The following FOXN2 variants were observed in gnomAD, a reference collection of about 807,000 sequenced individuals.
FOXN2 encodes the protein forkhead box N2, also known as forkhead box protein N2.
A neutral mutation model predicts 41.2 loss-of-function variants in FOXN2; 19 were observed. That is an observed-to-expected ratio of 0.46 (90% CI 0.32 to 0.68). FOXN2 has a LOEUF of 0.68. FOXN2 is among the 30% of genes least tolerant of loss of function. The pLI is 0.03. For synonymous variants in FOXN2, 195 were observed against 176.8 expected (o/e 1.10, Z -0.82); for missense variants, 587 against 509.4 (o/e 1.15, Z -1.47).
rs1345134368 is a variant in FOXN2 at position 48,346,052 on chromosome 2, C to G, written c.-14-149C>G. The G allele has an allele frequency of 4.6e-6, 3 of 647,286 alleles. No homozygotes were observed. The South Asian group carries it at 6.3e-5, about 13-fold the overall frequency. 40.1% of individuals were successfully genotyped at this position (647,286 alleles called of 1,614,324 possible). Reference sequence around the variant, plus strand: ...TTCCTTGTATTATAACCATTAGTATCTTCATTATACAAATGTTGTGCTTAA... The same window carrying G: ...TTCCTTGTATTATAACCATTAGTATGTTCATTATACAAATGTTGTGCTTAA... On this transcript the variant is annotated intron_variant, in intron 2 of 6. Transcript: ENST00000340553.
At chr2:48,326,121 A>G (rs1298715285) in intron 1 of FOXN2, among the ~76,000 whole-genome samples, 5 of 152,126 alleles carry the variant, frequency 3.3e-5, no homozygotes, top group African/African-American at 9.7e-5. Flanking sequence ...GATTGCTGGG[A>G]TTACAGACAT....
intron 6 of FOXN2, among the ~76,000 whole-genome samples, chr2:48,374,524 C>T (rs1673106248): frequency 6.6e-6 from 1 of 152,046 alleles, no homozygotes; most frequent in Non-Finnish European, 1.5e-5. Flanking sequence ...TTTTTCATAT[C>T]TCTTTTTAAA....
intron 3 of FOXN2, among the ~76,000 whole-genome samples, chr2:48,346,976 G>C (rs1156496170): frequency 6.6e-6 from 1 of 152,100 alleles, no homozygotes; most frequent in Non-Finnish European, 1.5e-5. Context: ...ACCTAGATTA[G>C]TCTTTTTATT....
chr2:48,318,150 C>A (rs1354329432), intron 1 of FOXN2, among the ~76,000 whole-genome samples: 1 of 152,170 alleles, frequency 6.6e-6, no homozygotes, highest in Admixed American at 6.5e-5. Context: ...CCCAGTTTCT[C>A]CTGTTCAATT....
chr2:48,341,478 C>G (rs1462149948), intron 2 of FOXN2, among the ~76,000 whole-genome samples: 1 of 151,996 alleles, frequency 6.6e-6, no homozygotes, highest in Non-Finnish European at 1.5e-5. Context: ...AAAAATAAAT[C>G]TTAATGAGAA....
chr2:48,337,554 C>T (rs1422713793), intron 2 of FOXN2, among the ~76,000 whole-genome samples: 2 of 152,064 alleles, frequency 1.3e-5, no homozygotes, highest in East Asian at 3.9e-4. Flanking sequence ...GACCCGCCCA[C>T]CTCTGCCTCC....
At chr2:48,373,449 A>C in intron 6 of FOXN2, 89 bp downstream of exon 6, 1 of 741,526 alleles carries the variant, frequency 1.3e-6, no homozygotes, top group South Asian at 1.6e-5. Flanking sequence ...GACAAAAATT[A>C]CTTCTTTCCA....
intron 2 of FOXN2, among the ~76,000 whole-genome samples, chr2:48,344,809 C>G (rs1670990411): frequency 6.7e-6 from 1 of 148,668 alleles, no homozygotes; most frequent in East Asian, 2.0e-4. Flanking sequence ...AACCTGCCAT[C>G]TATGTCTTAA....
chr2:48,342,411 C>A (rs1670836462), intron 2 of FOXN2, among the ~76,000 whole-genome samples: 2 of 152,184 alleles, frequency 1.3e-5, no homozygotes, highest in African/African-American at 4.8e-5. Flanking sequence ...ATATCTTTTT[C>A]CCTACATAAG....
intron 3 of FOXN2, among the ~76,000 whole-genome samples, chr2:48,357,323 G>A (rs894264057): frequency 6.6e-6 from 1 of 152,146 alleles, no homozygotes; most frequent in African/African-American, 2.4e-5. Context: ...TTGAAAAGTA[G>A]ACTTGAACTA....
intron 5 of FOXN2, among the ~76,000 whole-genome samples, chr2:48,365,509 G>C (rs756568141): frequency 6.6e-6 from 1 of 152,134 alleles, no homozygotes; most frequent in Non-Finnish European, 1.5e-5. Context: ...TCTTGCTCTT[G>C]TTCTGTTCTA....
At chr2:48,369,240 T>A (rs762126357) in intron 5 of FOXN2, among the ~76,000 whole-genome samples, 58 of 152,290 alleles carry the variant, frequency 3.8e-4, no homozygotes, top group Non-Finnish European at 7.2e-4. Flanking sequence ...GGATGTTTGT[T>A]AAAAGAAGTG....
intron 1 of FOXN2, among the ~76,000 whole-genome samples, chr2:48,315,923 T>A (rs536215046): frequency 5.8e-4 from 88 of 152,328 alleles, no homozygotes; most frequent in African/African-American, 1.9e-3. Flanking sequence ...CCACAGACTT[T>A]CTTTCTCCTA....
intron 1 of FOXN2, among the ~76,000 whole-genome samples, chr2:48,321,748 A>T (rs965634759): frequency 1.3e-5 from 2 of 152,138 alleles, no homozygotes; most frequent in Admixed American, 6.5e-5. Context: ...AATCTAAAAA[A>T]ATTTTAGTAC....
chr2:48,377,199 A>AT lies in FOXN2; in HGVS notation c.*1757dup, dbSNP rs1673309648. The AT allele has an allele frequency of 6.6e-6, 1 of 151,876 alleles. No homozygotes were observed. Among genetic ancestry groups the AT allele is most frequent in the Admixed American group, 6.6e-5 (1 of 15,250 alleles). The allele number at this position is 151,876 out of a possible 1,614,324, so 9.4% of individuals were successfully genotyped here. A position where few individuals can be genotyped will look rare whatever the true frequency, so the allele number is the denominator to read the frequency against. On this transcript the variant is annotated 3_prime_UTR_variant, in exon 7 of 7. Transcript: ENST00000340553. The stretch of plus-strand genomic sequence containing the variant: ...TTGTTAATAATGAAAACCCTTAAGC[A>AT]TGCAGGATGAGGTATTTGGGTTTTT...
chr2:48,340,973 G>C (rs1474737754), intron 2 of FOXN2: 1 of 152,162 alleles, frequency 6.6e-6, no homozygotes, highest in African/African-American at 2.4e-5. Context: ...TCTTGGCTTA[G>C]AAATTCGTTT....
At chr2:48,336,429 A>G (rs10153644) in intron 2 of FOXN2, among the ~76,000 whole-genome samples, 1 of 143,844 alleles carries the variant, frequency 7.0e-6, no homozygotes. Flanking sequence ...ATATATATAT[A>G]TGTATATGTG....
chr2:48,324,405 G>C (rs553062772), intron 1 of FOXN2, among the ~76,000 whole-genome samples: 7 of 152,238 alleles, frequency 4.6e-5, no homozygotes, highest in Admixed American at 3.3e-4. Context: ...TTTTGGCCAG[G>C]CAGGTCTCGA....
At chr2:48,372,717 C>T (rs573368197) in intron 5 of FOXN2, among the ~76,000 whole-genome samples, 1 of 151,972 alleles carries the variant, frequency 6.6e-6, no homozygotes, top group South Asian at 2.1e-4. Context: ...ATAAATTTGT[C>T]GTACATGTAG....
Sources: allele counts gnomAD v4.1 joint callset (sites outside exome capture counted in the v4.1 genomes callset), GRCh38; gene constraint gnomAD v4.1.1; transcripts MANE v1.5; gene names NCBI Gene and HGNC (gene_info 2026-07-23, HGNC 2026-07-21).